Variants in NOTCH2NLR observed in about 807,000 individuals in gnomAD.
NOTCH2NLR encodes the protein notch 2 N-terminal like R (pseudogene).
A neutral mutation model predicts 35.6 loss-of-function variants in NOTCH2NLR; 33 were observed. The observed-to-expected ratio is 0.93, with a 90% CI of 0.70 to 1.24. The LOEUF (loss-of-function observed/expected upper bound fraction) is 1.24, where lower values mean the gene tolerates loss of function less well. Ranked by LOEUF, NOTCH2NLR falls within the 50% of genes most tolerant of loss-of-function variation. The pLI, the probability that NOTCH2NLR is intolerant of heterozygous loss-of-function variation, is 0.00. For missense variants in NOTCH2NLR, 276 were observed against 362.2 expected (o/e 0.76, Z 1.93); for synonymous variants, 103 against 141.0 (o/e 0.73, Z 1.91).
In NOTCH2NLR at chr1:120,745,133, AC is replaced by A. The variant is rs1215353231; in HGVS notation, c.74-18494del. 1.7e-4 allele frequency among the ~76,000 whole-genome samples: 16 copies of A among 93,264 alleles called. No homozygotes were observed. In the East Asian group the frequency reaches 1.8e-3, roughly 11 times the overall value. The allele number at this position is 93,264 out of a possible 152,430, so 61.2% of individuals were successfully genotyped here. On this transcript the variant is annotated intron_variant, in intron 1 of 4. Coordinates refer to ENST00000624419, the Ensembl canonical transcript of NOTCH2NLR. ...AGATCCTGTCTCCAAAAAAAAAAAA[AC>A]AAAAAAAAAACAAAAAAAAGTGGTA...
chr1:120,790,425 A>T (rs1651474215), intron 3 of NOTCH2NLR, among the ~76,000 whole-genome samples: 1 of 116,192 alleles, frequency 8.6e-6, no homozygotes, highest in Non-Finnish European at 1.6e-5. Context: ...CAGTCAGCTT[A>T]CTAGCTCATC....
In NOTCH2NLR at chr1:120,737,639, A is replaced by G. The variant is rs1390582768; in HGVS notation, c.73+13389A>G. On this transcript the variant is annotated intron_variant, in intron 1 of 4. Coordinates refer to ENST00000624419, the Ensembl canonical transcript of NOTCH2NLR. Reference sequence around the variant, plus strand: ...TGTGGCTATATTTAAAATTTCAATGACAGCAGTGAAAATAATTTGCCTGTG... The same window carrying G: ...TGTGGCTATATTTAAAATTTCAATGGCAGCAGTGAAAATAATTTGCCTGTG... Among the ~76,000 whole-genome samples, 2 of 107,288 alleles carry G rather than the reference A, an allele frequency of 1.9e-5. 1 individual carries two copies. Among genetic ancestry groups the G allele is most frequent in the African/African-American group, 1.1e-4 (2 of 18,594 alleles). 70.4% of individuals were successfully genotyped at this position (107,288 alleles called of 152,430 possible).
rs1156707718 is a variant in NOTCH2NLR, at chr1:120,792,909, A to T, written c.416-252A>T. On this transcript the variant is annotated intron_variant, in intron 3 of 4. Transcript: ENST00000624419. Reference sequence around the variant, plus strand: ...TAGCGTCCTGCAGGATTGGGCTTCAATGTGACTAACCTACAATTGCCTCCA... The same window carrying T: ...TAGCGTCCTGCAGGATTGGGCTTCATTGTGACTAACCTACAATTGCCTCCA... 2.1e-4 allele frequency among the ~76,000 whole-genome samples: 12 copies of T among 55,970 alleles called. 4 individuals carry two copies. The African/African-American group carries it at 2.2e-3, about 10-fold the overall frequency. 36.7% of individuals were successfully genotyped at this position (55,970 alleles called of 152,430 possible).
In NOTCH2NLR at chr1:120,759,685, G is replaced by C. The variant is rs1238451314; in HGVS notation, c.74-3943G>C. Among the ~76,000 whole-genome samples the C allele has an allele frequency of 2.8e-5, 3 of 108,838 alleles. 1 individual carries two copies. Among genetic ancestry groups the C allele is most frequent in the Non-Finnish European group, 5.1e-5 (3 of 58,674 alleles). 71.4% of individuals were successfully genotyped at this position (108,838 alleles called of 152,430 possible). The stretch of plus-strand genomic sequence containing the variant: ...TCCTGAGTAAAGCCACAAGTCTCAA[G>C]ATTATTTTTCTTTTTTTAAAAATTA... On this transcript the variant is annotated intron_variant, in intron 1 of 4. Transcript: ENST00000624419.
chr1:120,752,552 ATATTTTT>A (rs1161225490), intron 1 of NOTCH2NLR, among the ~76,000 whole-genome samples: 2 of 8,974 alleles, frequency 2.2e-4, no homozygotes, highest in East Asian at 5.2e-3. Context: ...ATATATATAT[ATATTTTT>A]TTTTTTTTTT....
chr1:120,794,504 G>A (rs1651535788), downstream of NOTCH2NLR, among the ~76,000 whole-genome samples: 1 of 110,728 alleles, frequency 9.0e-6, no homozygotes, highest in Non-Finnish European at 1.7e-5. Context: ...AAAAGAAGTT[G>A]TTCTAGTTAC....
chr1:120,753,996 TC>T (rs1651052158), intron 1 of NOTCH2NLR, among the ~76,000 whole-genome samples: 1 of 80,808 alleles, frequency 1.2e-5, no homozygotes. Context: ...GGTCAGGAGA[TC>T]CAGACCATCC....
chr1:120,752,540 A>ATG (rs1651029237), intron 1 of NOTCH2NLR, among the ~76,000 whole-genome samples: 1 of 14,422 alleles, frequency 6.9e-5, no homozygotes, highest in East Asian at 2.3e-3. Context: ...ATATATATAT[A>ATG]TATATATATA....
chr1:120,745,153 A>T (rs1650967041), intron 1 of NOTCH2NLR, among the ~76,000 whole-genome samples: 1 of 104,324 alleles, frequency 9.6e-6, no homozygotes, highest in African/African-American at 6.0e-5. Context: ...AACAAAAAAA[A>T]GTGGTATTGG....
At chr1:120,728,102 T>C (rs1321843096) in intron 1 of NOTCH2NLR, among the ~76,000 whole-genome samples, 1 of 117,226 alleles carries the variant, frequency 8.5e-6, no homozygotes, top group Non-Finnish European at 1.6e-5. Context: ...CCATCTCGTG[T>C]ACAAATGCGC....
At chr1:120,770,743 TCA>T (rs1371864039) in intron 2 of NOTCH2NLR, among the ~76,000 whole-genome samples, 2 of 118,542 alleles carry the variant, frequency 1.7e-5, no homozygotes, top group East Asian at 4.2e-4. Flanking sequence ...ACCTTGAGTC[TCA>T]GTTTGCCTGT....
chr1:120,780,150 G>A (rs1342354318), intron 2 of NOTCH2NLR, among the ~76,000 whole-genome samples: 3 of 115,930 alleles, frequency 2.6e-5, no homozygotes, highest in African/African-American at 1.4e-4. Context: ...AGGTACTCAG[G>A]TATTCAGGGA....
In NOTCH2NLR at chr1:120,778,025, G is replaced by C. The variant is rs1302323041; in HGVS notation, c.156-6949G>C. Among the ~76,000 whole-genome samples, 3 of 84,428 alleles carry C rather than the reference G, an allele frequency of 3.6e-5. 1 individual carries two copies. Among genetic ancestry groups the C allele is most frequent in the South Asian group, 3.5e-4 (1 of 2,846 alleles). The allele number at this position is 84,428 out of a possible 152,430, so 55.4% of individuals were successfully genotyped here. On this transcript the variant is annotated intron_variant, in intron 2 of 4. Transcript: ENST00000624419. Reference sequence around the variant, plus strand: ...AGCCTTGGGAATTGAATGTTACATAGGAACTTTCACTGGTTCCAGCTAGCC... The same window carrying C: ...AGCCTTGGGAATTGAATGTTACATACGAACTTTCACTGGTTCCAGCTAGCC...
chr1:120,794,448 A>G (rs1423273445), downstream of NOTCH2NLR, among the ~76,000 whole-genome samples: 1 of 116,136 alleles, frequency 8.6e-6, no homozygotes, highest in African/African-American at 5.1e-5. Context: ...CAAAAGAAGG[A>G]AAACTGTAGG....
At position 120,724,378 on chromosome 1, in the gene NOTCH2NLR, C is replaced by A. The variant is rs1470106125; in HGVS notation, c.73+128C>A. On this transcript the variant is annotated intron_variant, in intron 1 of 4. Coordinates refer to ENST00000624419, the Ensembl canonical transcript of NOTCH2NLR. ...GCCGCCGGCGCGGAGTGAGGCCACT[C>A]GCTGGGTTCCCAAGAGTTTGGACAT... 8.2e-6 allele frequency: 11 copies of A among 1,346,846 alleles called. 2 individuals are homozygous for A. Among genetic ancestry groups the A allele is most frequent in the Middle Eastern group, 2.3e-4 (1 of 4,424 alleles). 83.4% of individuals were successfully genotyped at this position (1,346,846 alleles called of 1,614,324 possible).
chr1:120,793,262 G>A, exon 4 of NOTCH2NLR: 1 of 1,397,150 alleles, frequency 7.2e-7, no homozygotes, highest in Non-Finnish European at 9.6e-7. Context: ...ATGCCTCACA[G>A]GCTTCACAGG....
intron 1 of NOTCH2NLR, among the ~76,000 whole-genome samples, chr1:120,734,470 C>A (rs1650894406): frequency 1.5e-5 from 1 of 68,628 alleles, no homozygotes; most frequent in Admixed American, 1.4e-4. Flanking sequence ...AAATTTATGT[C>A]CACTGGTCTT....
At chr1:120,770,337 T>G (rs1401949100) in intron 2 of NOTCH2NLR, among the ~76,000 whole-genome samples, 78,924 of 100,540 alleles carry the variant, frequency 0.79, 34,478 homozygotes, top group African/African-American at 0.85. Context: ...GCCCGGCTAA[T>G]TTTTTGTATT....
rs1434909219 is a variant in NOTCH2NLR, at chr1:120,784,558, G to T, written c.156-416G>T. On this transcript the variant is annotated intron_variant, in intron 2 of 4. Transcript: ENST00000624419. ...TTATTTAGGTCTCAACTCAAGTATT[G>T]TCAGTGAAGGTCTTCTCTGATTTTC... Among the ~76,000 whole-genome samples, 2 of 117,186 alleles carry T rather than the reference G, an allele frequency of 1.7e-5. 1 individual carries two copies. Among genetic ancestry groups the T allele is most frequent in the Admixed American group, 1.6e-4 (2 of 12,322 alleles). 76.9% of individuals were successfully genotyped at this position (117,186 alleles called of 152,430 possible).
Sources: allele counts gnomAD v4.1 joint callset (sites outside exome capture counted in the v4.1 genomes callset), GRCh38; gene constraint gnomAD v4.1.1; transcripts MANE v1.5; gene names NCBI Gene and HGNC (gene_info 2026-07-23, HGNC 2026-07-21).